Variants in JOSD2 observed in about 807,000 individuals in gnomAD.
JOSD2 encodes the protein josephin-2.
A neutral mutation model predicts 19.3 loss-of-function variants in JOSD2; 20 were observed. The ratio of observed to expected loss-of-function variants is 1.04; its 90% confidence interval spans 0.73 to 1.51. JOSD2 has a LOEUF of 1.51. JOSD2 is among the 40% of genes most tolerant of loss of function. The probability of loss-of-function intolerance (pLI) is 0.00; values close to 1 mark genes in which losing one functional copy is unlikely to be tolerated. For missense variants in JOSD2, 215 were observed against 250.4 expected (o/e 0.86, Z 0.95); for synonymous variants, 118 against 123.7 (o/e 0.95, Z 0.31).
intron 2 of JOSD2, 98 bp downstream of exon 2, chr19:50,510,184 GAAGA>G: frequency 7.0e-7 from 1 of 1,435,100 alleles, no homozygotes; most frequent in Non-Finnish European, 9.6e-7. Flanking sequence ...GCGCGGAGCA[GAAGA>G]AAGCCCCCAA....
At chr19:50,507,769 AG>A in intron 2 of JOSD2, 70 bp from the exon 3 acceptor site, 1 of 1,547,410 alleles carries the variant, frequency 6.5e-7, no homozygotes, top group Non-Finnish European at 8.7e-7. Context: ...TGGGGGTCCC[AG>A]GGGCCACAAG....
intron 1 of JOSD2, 128 bp from the exon 2 acceptor site, chr19:50,510,576 CCT>C (rs1979736171): frequency 1.3e-6 from 1 of 787,514 alleles, no homozygotes; most frequent in African/African-American, 1.8e-5. Context: ...ACACTGGGCC[CCT>C]GACCCCGCTC....
chr19:50,510,131 G>A (rs926452866), intron 2 of JOSD2, 155 bp downstream of exon 2: 21 of 779,924 alleles, frequency 2.7e-5, no homozygotes, highest in Admixed American at 5.3e-5. Context: ...GGCACAGGAG[G>A]CAACATCTCC....
At chr19:50,510,064 A>G (rs1483932267) in intron 2 of JOSD2, 3 of 464,120 alleles carry the variant, frequency 6.5e-6, no homozygotes, top group East Asian at 4.0e-5. Flanking sequence ...AAAAAAAAAA[A>G]AAAGAAAGAA....
intron 2 of JOSD2, chr19:50,508,120 C>T: frequency 3.6e-6 from 1 of 274,746 alleles, no homozygotes; most frequent in South Asian, 3.8e-5. Context: ...CAGTCCATTC[C>T]CACACGGCCC....
chr19:50,506,856 C>T (rs934394780), intron 3 of JOSD2, among the ~76,000 whole-genome samples: 1 of 146,790 alleles, frequency 6.8e-6, no homozygotes, highest in African/African-American at 2.5e-5. Context: ...CAACCACCAT[C>T]ACCCTGTCTG....
At chr19:50,508,977 CAAGTGGGGA>C (rs1354972883) in intron 2 of JOSD2, among the ~76,000 whole-genome samples, 15 of 151,782 alleles carry the variant, frequency 9.9e-5, no homozygotes, top group African/African-American at 3.4e-4. Flanking sequence ...TCTCTAGGAT[CAAGTGGGGA>C]CTGAAGGCAG....
chr19:50,510,648 C>T (rs1033603776), intron 1 of JOSD2, among the ~76,000 whole-genome samples, 200 bp from the exon 2 acceptor site: 15 of 152,090 alleles, frequency 9.9e-5, no homozygotes, highest in African/African-American at 3.6e-4. Context: ...CTACGAAAAA[C>T]GCTGTCTCTT....
intron 3 of JOSD2, among the ~76,000 whole-genome samples, chr19:50,507,135 C>A (rs576006135): frequency 6.9e-5 from 10 of 145,038 alleles, no homozygotes; most frequent in African/African-American, 2.5e-4. Context: ...CGGCCACCAC[C>A]CAGCCAGCCA....
intron 2 of JOSD2, among the ~76,000 whole-genome samples, chr19:50,509,070 AGAGAGGAGGGAGT>A (rs1979565507): frequency 2.0e-5 from 3 of 149,950 alleles, no homozygotes; most frequent in African/African-American, 7.4e-5. Context: ...ACATGGGGAC[AGAGAGGAGGGAGT>A]GAGAGATGGT....
chr19:50,507,625 A>G lies in JOSD2; in HGVS notation c.221T>C (p.Met74Thr). The G allele has an allele frequency of 1.9e-6, 3 of 1,611,196 alleles. No homozygotes were observed. The highest frequency in any genetic ancestry group is 2.2e-5 in the South Asian group (2 of 91,074). Residue 74 changes from methionine to threonine, a missense_variant, in exon 3 of 5, where the codon ATG (methionine) becomes ACG (threonine). Met to Thr is a moderately conservative substitution (Grantham distance 81, BLOSUM62 -1). Transcript: ENST00000598418. ...GTGNYDVNVI[M>T]AALQGLGLAA... Reference sequence around the variant, plus strand: ...CAGGCCCAGCCCCTGCAGAGCGGCCATGATCACATTGACATCATAGTTGCC... The same window carrying G: ...CAGGCCCAGCCCCTGCAGAGCGGCCGTGATCACATTGACATCATAGTTGCC...
chr19:50,510,058 A>AAAAAAAAAAG, intron 2 of JOSD2: 2 of 446,288 alleles, frequency 4.5e-6, no homozygotes, highest in South Asian at 4.9e-5. Context: ...TCTCAAAAAA[A>AAAAAAAAAAG]AAAAAAAAAG....
At position 50,506,497 on chromosome 19, in the gene JOSD2, C is replaced by T. The variant is rs1306273820; in HGVS notation, c.348G>A (p.Leu116=). The change falls in exon 4 of 5, where the codon CTG becomes CTA. Residue 116 remains leucine, a synonymous_variant. Transcript: ENST00000598418. ...GCCGCCGGCGCAGCGGCAGTGACAG[C>T]AGCCCCAGCGACACGGGCGAGGGCA... The part of the protein sequence containing the change: ...LNLPSPVSLG[L]LSLPLRRRHW... 14 of 1,562,526 alleles carry T rather than the reference C, an allele frequency of 9.0e-6. No individual in the cohort carries two copies. Among genetic ancestry groups the T allele is most frequent in the Non-Finnish European group, 1.2e-5 (14 of 1,154,422 alleles).
intron 2 of JOSD2, chr19:50,507,947 C>G: frequency 1.7e-6 from 1 of 572,114 alleles, no homozygotes; most frequent in Non-Finnish European, 3.1e-6. Context: ...GCCCTGTCCC[C>G]AAGTCCTGCC....
At position 50,507,651 on chromosome 19, in the gene JOSD2, G is replaced by T. The variant is rs372457031; in HGVS notation, c.195C>A (p.Thr65=). ...RLNPHRSLLG[T]GNYDVNVIMA... is the part of the protein sequence containing the mutation. Reference sequence around the variant, plus strand: ...TGATCACATTGACATCATAGTTGCCGGTGCCCAGGAGGCTGCGATGAGGGT... The same window carrying T: ...TGATCACATTGACATCATAGTTGCCTGTGCCCAGGAGGCTGCGATGAGGGT... Residue 65 remains threonine, a synonymous_variant, in exon 3 of 5, where the codon ACC becomes ACA. Coordinates refer to ENST00000598418, the MANE Select transcript of JOSD2 (RefSeq NM_001270639.2). 1.9e-6 allele frequency: 3 copies of T among 1,612,032 alleles called. No homozygotes were observed. Among genetic ancestry groups the T allele is most frequent in the South Asian group, 1.1e-5 (1 of 91,082 alleles).
At chr19:50,507,241 C>A (rs1424080498) in intron 3 of JOSD2, among the ~76,000 whole-genome samples, 1 of 151,294 alleles carries the variant, frequency 6.6e-6, no homozygotes, top group Non-Finnish European at 1.5e-5. Context: ...ACATGCCCAG[C>A]CACTGGCCAG....
At chr19:50,508,381 C>T (rs1489624099) in intron 2 of JOSD2, among the ~76,000 whole-genome samples, 1 of 152,164 alleles carries the variant, frequency 6.6e-6, no homozygotes, top group Admixed American at 6.5e-5. Context: ...CGGGGTTGCC[C>T]TCACCCCTCC....
chr19:50,507,471 A>C, intron 3 of JOSD2, 103 bp downstream of exon 3: 1 of 1,460,952 alleles, frequency 6.8e-7, no homozygotes, highest in African/African-American at 1.4e-5. Context: ...CATTCATGCC[A>C]ACCTCCCCCA....
chr19:50,507,346 C>T (rs1205721864), intron 3 of JOSD2, among the ~76,000 whole-genome samples: 1 of 151,922 alleles, frequency 6.6e-6, no homozygotes, highest in Non-Finnish European at 1.5e-5. Context: ...CTCCCCCTGA[C>T]CCAACACATC....
Sources: allele counts gnomAD v4.1 joint callset (sites outside exome capture counted in the v4.1 genomes callset), GRCh38; gene constraint gnomAD v4.1.1; transcripts MANE v1.5; gene names NCBI Gene and HGNC (gene_info 2026-07-23, HGNC 2026-07-21).